Variants in RELN observed in about 807,000 individuals in gnomAD.
The protein encoded by RELN is reelin.
In RELN, 108 loss-of-function variants were observed where a neutral mutation model predicts 427.6. The observed-to-expected ratio is 0.25, with a 90% CI of 0.22 to 0.30. The LOEUF is 0.30. RELN is among the 10% of genes least tolerant of loss of function. The pLI is 1.00. For missense variants in RELN, 3,715 were observed against 4,302.8 expected, an observed-to-expected ratio of 0.86 and a Z score of 3.82; for synonymous variants, 1,524 against 1,513.4, an observed-to-expected ratio of 1.01 and a Z score of -0.16.
rs73714410 is a variant in RELN at position 103,489,775 on chromosome 7, C to G, written c.9730G>C (p.Gly3244Arg). Reference protein sequence around the residue: ...LCSGHGYCTTGAICICDESFQ... With the variant: ...LCSGHGYCTTRAICICDESFQ... ...CTCTCGTCGCAGATGCAGATGGCACCGGTCGTGCAGTATCCGTGCCCGCTG... is the reference window on the plus strand; with the variant it reads ...CTCTCGTCGCAGATGCAGATGGCACGGGTCGTGCAGTATCCGTGCCCGCTG... The change falls in exon 60 of 65, where the codon GGT (glycine) becomes CGT (arginine). Residue 3244 changes from glycine (G) to arginine (R), a missense_variant. Around this residue, in one of 4 missense-constraint regions of RELN, gnomAD observed 195 missense variants for 281.3 expected, o/e 0.69. Coordinates refer to ENST00000428762, the MANE Select transcript of RELN (RefSeq NM_005045.4). The G allele has an allele frequency of 1.1e-5, 18 of 1,613,962 alleles. No homozygotes were observed. The Admixed American group carries it at 2.7e-4, about 24-fold the overall frequency.
chr7:103,619,519 A>G (rs905373728), intron 20 of RELN, among the ~76,000 whole-genome samples: 13 of 152,214 alleles, frequency 8.5e-5, no homozygotes, highest in South Asian at 6.2e-4. Context: ...TAACAAATAT[A>G]TAGTTTTAAA....
chr7:103,670,574 A>G (rs1833369481), intron 11 of RELN, among the ~76,000 whole-genome samples: 2 of 152,022 alleles, frequency 1.3e-5, no homozygotes, highest in Admixed American at 1.3e-4. Context: ...AAATTTCTGA[A>G]TGACTATATG....
intron 1 of RELN, among the ~76,000 whole-genome samples, chr7:103,944,300 T>C (rs953249689): frequency 1.3e-5 from 2 of 152,196 alleles, no homozygotes. Flanking sequence ...GAACAGTGAC[T>C]GGGACTCCTA....
chr7:103,806,588 G>A (rs952890453), intron 3 of RELN, among the ~76,000 whole-genome samples: 2 of 152,066 alleles, frequency 1.3e-5, no homozygotes, highest in African/African-American at 4.8e-5. Context: ...GCTTCCCAAA[G>A]TGCTGGGATT....
chr7:103,849,428 T>C (rs39396), intron 2 of RELN, among the ~76,000 whole-genome samples: 54,225 of 152,064 alleles, frequency 0.36, 10,169 homozygotes, highest in Non-Finnish European at 0.42. Flanking sequence ...TCAGTTTTGT[T>C]TCCTCAGGGA....
chr7:103,900,955 T>C (rs1006563017), intron 2 of RELN, among the ~76,000 whole-genome samples: 1 of 147,990 alleles, frequency 6.8e-6, no homozygotes. Flanking sequence ...TAGATGTTCT[T>C]TGGGGTGAAA....
intron 8 of RELN, among the ~76,000 whole-genome samples, chr7:103,702,747 G>C (rs1011260714): frequency 2.0e-5 from 3 of 152,068 alleles, no homozygotes; most frequent in African/African-American, 7.2e-5. Context: ...CATTGTCAAG[G>C]GACCCTCACT....
At chr7:103,774,210 T>A (rs953267206) in intron 4 of RELN, among the ~76,000 whole-genome samples, 8 of 150,384 alleles carry the variant, frequency 5.3e-5, no homozygotes, top group Non-Finnish European at 1.2e-4. Flanking sequence ...GGCAGGAGAA[T>A]CGCTTGAACC....
chr7:103,723,115 G>A (rs760528341), intron 8 of RELN, 25 bp downstream of exon 8: 30 of 1,489,854 alleles, frequency 2.0e-5, no homozygotes, highest in South Asian at 2.3e-5. Context: ...AAATTAAATC[G>A]TTATAACTGC....
At chr7:103,964,450 C>A (rs935314436) in intron 1 of RELN, among the ~76,000 whole-genome samples, 3 of 152,144 alleles carry the variant, frequency 2.0e-5, no homozygotes, top group African/African-American at 7.2e-5. Context: ...TTCCAGCTAG[C>A]ACCAACCACC....
chr7:103,708,931 T>G (rs971465717), intron 8 of RELN, among the ~76,000 whole-genome samples: 5 of 152,156 alleles, frequency 3.3e-5, no homozygotes, highest in African/African-American at 9.7e-5. Flanking sequence ...TGTCCATTTA[T>G]TTGACAGTTG....
intron 11 of RELN, among the ~76,000 whole-genome samples, chr7:103,666,522 G>C (rs1282313283): frequency 6.6e-6 from 1 of 151,954 alleles, no homozygotes; most frequent in Non-Finnish European, 1.5e-5. Context: ...TCTTCTGTTT[G>C]TCATATCTGA....
intron 1 of RELN, among the ~76,000 whole-genome samples, chr7:103,936,729 CAG>C (rs1408591505): frequency 6.9e-4 from 70 of 101,326 alleles, no homozygotes; most frequent in African/African-American, 2.9e-3. Flanking sequence ...CACACACAGA[CAG>C]ACAGACAGAC....
chr7:103,849,615 A>C (rs1793768740), intron 2 of RELN, among the ~76,000 whole-genome samples: 1 of 152,190 alleles, frequency 6.6e-6, no homozygotes, highest in Non-Finnish European at 1.5e-5. Flanking sequence ...TGTCAAGATG[A>C]GACTGTATAT....
intron 28 of RELN, among the ~76,000 whole-genome samples, chr7:103,589,168 T>C (rs928002584): frequency 6.6e-6 from 1 of 152,232 alleles, no homozygotes; most frequent in East Asian, 1.9e-4. Context: ...CTGAGGTTTT[T>C]GATCAACCTC....
chr7:103,521,922 C>A lies in RELN; in HGVS notation c.7668+100G>T. ...AGGGTTGTACATTTAGGGTAACTAACCCTGCATCTTGATTTGCCCATTAAA... is the reference window on the plus strand; with the variant it reads ...AGGGTTGTACATTTAGGGTAACTAAACCTGCATCTTGATTTGCCCATTAAA... On this transcript the variant is annotated intron_variant, in intron 48 of 64. Transcript: ENST00000428762. 4 of 1,195,768 alleles carry A rather than the reference C, an allele frequency of 3.3e-6. No homozygotes were observed. In the South Asian group the frequency reaches 4.9e-5, roughly 15 times the overall value. The allele number at this position is 1,195,768 out of a possible 1,614,324, so 74.1% of individuals were successfully genotyped here.
intron 46 of RELN, among the ~76,000 whole-genome samples, chr7:103,530,936 A>G (rs1291133608): frequency 6.6e-6 from 1 of 152,142 alleles, no homozygotes; most frequent in African/African-American, 2.4e-5. Flanking sequence ...CCTTAAATAG[A>G]TTGTAACCTC....
Position 103,594,352 on chromosome 7 carries a change from A to ATCTGCT in RELN, c.3674_3679dup (p.Lys1225_Gln1226dup). The stretch of plus-strand genomic sequence containing the variant: ...TAAAGTTGGATTGATAACTGGGATG[A>ATCTGCT]TCTGCTTCTGCTTCTCGGACAGAAT... On this transcript the variant is annotated inframe_insertion, in exon 26 of 65. Coordinates refer to ENST00000428762, the MANE Select transcript of RELN (RefSeq NM_005045.4). 1 of 1,614,016 alleles carries ATCTGCT rather than the reference A, an allele frequency of 6.2e-7. No individual in the cohort carries two copies. Among genetic ancestry groups the ATCTGCT allele is most frequent in the Non-Finnish European group, 8.5e-7 (1 of 1,179,920 alleles).
intron 4 of RELN, among the ~76,000 whole-genome samples, chr7:103,769,141 G>T (rs772738459): frequency 6.6e-6 from 1 of 152,100 alleles, no homozygotes; most frequent in Non-Finnish European, 1.5e-5. Flanking sequence ...TTGGGCCAGG[G>T]ACTCTGGAAA....
Sources: allele counts gnomAD v4.1 joint callset (sites outside exome capture counted in the v4.1 genomes callset), GRCh38; gene constraint gnomAD v4.1.1; regional missense constraint gnomAD v4.1.1; transcripts MANE v1.5; gene names NCBI Gene and HGNC (gene_info 2026-07-23, HGNC 2026-07-21).